The following CLSTN1 variants were observed in gnomAD, a reference collection of about 807,000 sequenced individuals.
CLSTN1 encodes calsyntenin 1, also known as calsyntenin-1.
Under a neutral mutation model 108.3 loss-of-function variants are expected in CLSTN1, and 28 were observed. That is an observed-to-expected ratio of 0.26 (90% CI 0.19 to 0.35). The LOEUF (loss-of-function observed/expected upper bound fraction) is 0.35, where lower values mean the gene tolerates loss of function less well. Among genes scored for constraint, CLSTN1 ranks in the 10% least tolerant of loss-of-function variants. The pLI is 1.00. For missense variants in CLSTN1, 1,157 were observed against 1,302.6 expected (o/e 0.89, Z 1.72); for synonymous variants, 524 against 534.9 (o/e 0.98, Z 0.28).
chr1:9,775,835 G>A (rs369948307), intron 1 of CLSTN1, among the ~76,000 whole-genome samples: 1 of 152,166 alleles, frequency 6.6e-6, no homozygotes, highest in Non-Finnish European at 1.5e-5. Context: ...ATTCCAGGAT[G>A]TGATGCTACC....
At chr1:9,783,834 A>C (rs896105529) in intron 1 of CLSTN1, among the ~76,000 whole-genome samples, 1 of 152,148 alleles carries the variant, frequency 6.6e-6, no homozygotes, top group African/African-American at 2.4e-5. Flanking sequence ...CTCTACTAAA[A>C]ATACAAAAAT....
intron 4 of CLSTN1, among the ~76,000 whole-genome samples, chr1:9,754,277 C>T (rs1242392911): frequency 6.6e-6 from 1 of 152,000 alleles, no homozygotes; most frequent in Non-Finnish European, 1.5e-5. Flanking sequence ...TATTAAAAAC[C>T]TAGGCCGGGT....
chr1:9,777,983 C>T (rs1418970208), intron 1 of CLSTN1, among the ~76,000 whole-genome samples: 2 of 152,016 alleles, frequency 1.3e-5, no homozygotes, highest in African/African-American at 4.8e-5. Context: ...GAGAAGACGG[C>T]AGGGGAGGGC....
chr1:9,736,156 G>C (rs1208521611), intron 11 of CLSTN1, 114 bp from the exon 12 acceptor site: 7 of 1,264,988 alleles, frequency 5.5e-6, no homozygotes, highest in African/African-American at 2.9e-5. Flanking sequence ...GGACATGCGG[G>C]TTAGTTCATA....
chr1:9,750,310 C>T (rs1400503701), intron 5 of CLSTN1: 1 of 184,212 alleles, frequency 5.4e-6, no homozygotes, highest in East Asian at 1.4e-4. Context: ...CCTACCCCCA[C>T]CTGCTTAGAA....
chr1:9,761,807 A>G (rs1290822451), intron 2 of CLSTN1, among the ~76,000 whole-genome samples: 3 of 152,148 alleles, frequency 2.0e-5, no homozygotes, highest in African/African-American at 7.2e-5. Context: ...CTCCTTACGT[A>G]TAACAGCTAA....
At chr1:9,813,841 TG>T (rs1423362188) in intron 1 of CLSTN1, among the ~76,000 whole-genome samples, 8 of 152,192 alleles carry the variant, frequency 5.3e-5, no homozygotes, top group African/African-American at 1.9e-4. Context: ...GGCTCGCACC[TG>T]TAATCCCAGC....
intron 1 of CLSTN1, chr1:9,780,879 T>C (rs747483826): frequency 3.5e-6 from 1 of 288,680 alleles, no homozygotes; most frequent in Non-Finnish European, 6.3e-6. Flanking sequence ...CGAATCCAAA[T>C]GCGGTGCGGG....
chr1:9,772,259 G>A (rs556977388), intron 2 of CLSTN1, among the ~76,000 whole-genome samples: 8 of 150,806 alleles, frequency 5.3e-5, no homozygotes, highest in African/African-American at 1.9e-4. Context: ...TGCTGGCACA[G>A]GCATGAGCCA....
At position 9,769,514 on chromosome 1, in the gene CLSTN1, C is replaced by T. The variant is rs534024563; in HGVS notation, c.214+3758G>A. 5.9e-5 allele frequency among the ~76,000 whole-genome samples: 9 copies of T among 152,244 alleles called. No individual in the cohort carries two copies. The South Asian group carries it at 1.7e-3, about 28-fold the overall frequency. On this transcript the variant is annotated intron_variant, in intron 2 of 18. Transcript: ENST00000377298. Reference sequence around the variant, plus strand: ...CTAACACAGGTAAACTGTGAAATCACCATGCTGGGAGACGCCCATCACAAA... The same window carrying T: ...CTAACACAGGTAAACTGTGAAATCATCATGCTGGGAGACGCCCATCACAAA...
intron 11 of CLSTN1, among the ~76,000 whole-genome samples, chr1:9,737,276 G>A (rs1650744398): frequency 6.6e-6 from 1 of 152,040 alleles, no homozygotes; most frequent in African/African-American, 2.4e-5. Flanking sequence ...GAAGTCCCAT[G>A]CATGCACTGC....
chr1:9,748,677 A>G (rs1651402499), intron 7 of CLSTN1, among the ~76,000 whole-genome samples: 1 of 152,060 alleles, frequency 6.6e-6, no homozygotes, highest in Non-Finnish European at 1.5e-5. Context: ...TTGTAGAGAC[A>G]GGGTTTTCTC....
intron 1 of CLSTN1, among the ~76,000 whole-genome samples, chr1:9,788,881 A>C (rs1299449511): frequency 3.3e-5 from 5 of 151,154 alleles, no homozygotes; most frequent in Non-Finnish European, 5.9e-5. Context: ...AAAAAAAAAA[A>C]AAAAAAACAA....
At chr1:9,747,478 T>C (rs1332924403) in intron 7 of CLSTN1, among the ~76,000 whole-genome samples, 1 of 152,086 alleles carries the variant, frequency 6.6e-6, no homozygotes, top group African/African-American at 2.4e-5. Context: ...CTTTGGTTTA[T>C]TTACCACATG....
intron 6 of CLSTN1, 46 bp from the exon 7 acceptor site, chr1:9,749,692 A>C (rs1218454792): frequency 6.2e-7 from 1 of 1,610,882 alleles, no homozygotes; most frequent in South Asian, 1.1e-5. Context: ...AGGAAAACAC[A>C]CACTCTAGGT....
At chr1:9,732,379 G>A (rs991620079) in intron 16 of CLSTN1, among the ~76,000 whole-genome samples, 1 of 152,062 alleles carries the variant, frequency 6.6e-6, no homozygotes, top group African/African-American at 2.4e-5. Context: ...CATTTTTATT[G>A]CATTTTATAA....
intron 1 of CLSTN1, among the ~76,000 whole-genome samples, chr1:9,811,263 A>G (rs1317660613): frequency 1.3e-5 from 2 of 152,188 alleles, no homozygotes; most frequent in Non-Finnish European, 1.5e-5. Flanking sequence ...AAGTTTTAAC[A>G]TGTCAGATTT....
At position 9,800,391 on chromosome 1, in the gene CLSTN1, C is replaced by A. The variant is rs561305909; in HGVS notation, c.91+23252G>T. ...AAATTCCTAGTATCAGAAATGAAAA[C>A]AGGAACACCGCTATAAGACCCCATG... On this transcript the variant is annotated intron_variant, in intron 1 of 18. Transcript: ENST00000377298. Among the ~76,000 whole-genome samples, 9 of 151,386 alleles carry A rather than the reference C, an allele frequency of 5.9e-5. No homozygotes were observed. In the South Asian group the frequency reaches 1.9e-3, roughly 32 times the overall value.
intron 1 of CLSTN1, among the ~76,000 whole-genome samples, chr1:9,777,419 A>T (rs1333809444): frequency 1.4e-5 from 2 of 147,184 alleles, no homozygotes; most frequent in East Asian, 4.1e-4. Flanking sequence ...GCTACTCAGG[A>T]GGCTGAGGCA....
Sources: gnomAD v4.1 joint callset for allele counts (sites outside exome capture counted in the v4.1 genomes callset) on GRCh38, gnomAD v4.1.1 for gene constraint, MANE v1.5 for transcripts, NCBI Gene and HGNC (gene_info 2026-07-23, HGNC 2026-07-21) for gene names.